Variants in TUSC3 observed in about 807,000 individuals in gnomAD.
The protein encoded by TUSC3 is dolichyl-diphosphooligosaccharide--protein glycosyltransferase subunit TUSC3.
Under a neutral mutation model 44.8 loss-of-function variants are expected in TUSC3, and 45 were observed. The observed-to-expected ratio is 1.00, with a 90% CI of 0.79 to 1.29. The LOEUF (loss-of-function observed/expected upper bound fraction) is 1.29, where lower values mean the gene tolerates loss of function less well. TUSC3 is among the 50% of genes most tolerant of loss of function. The pLI, the probability that TUSC3 is intolerant of heterozygous loss-of-function variation, is 0.00. For missense variants in TUSC3, 519 were observed against 437.9 expected (o/e 1.19, Z -1.65); for synonymous variants, 212 against 152.9 (o/e 1.39, Z -2.85).
At chr8:15,755,945 C>G (rs1005447592) in intron 9 of TUSC3, among the ~76,000 whole-genome samples, 1 of 152,090 alleles carries the variant, frequency 6.6e-6, no homozygotes, top group African/African-American at 2.4e-5. Context: ...ACAAAAGTTT[C>G]CTTTAGAAGA....
chr8:15,770,423 G>C (rs1410901247), downstream of TUSC3, among the ~76,000 whole-genome samples: 2 of 152,080 alleles, frequency 1.3e-5, no homozygotes, highest in African/African-American at 2.4e-5. Context: ...TCAGGGGCTG[G>C]GGAGAGATAG....
intron 5 of TUSC3, among the ~76,000 whole-genome samples, chr8:15,672,780 C>T (rs2129183168): frequency 6.6e-6 from 1 of 152,066 alleles, no homozygotes; most frequent in African/African-American, 2.4e-5. Context: ...CTTTTGTATC[C>T]TTGTTTTCTC....
At chr8:15,669,435 A>G (rs55720445) in intron 5 of TUSC3, among the ~76,000 whole-genome samples, 4,455 of 151,884 alleles carry the variant, frequency 0.029, 64 homozygotes, top group East Asian at 0.051. Flanking sequence ...GGGGACATTT[A>G]AAAATAGAAA....
chr8:15,758,461 A>T (rs1812026895), intron 10 of TUSC3, among the ~76,000 whole-genome samples: 1 of 151,950 alleles, frequency 6.6e-6, no homozygotes, highest in Non-Finnish European at 1.5e-5. Flanking sequence ...TTCACAATCC[A>T]GTTTTTTGAT....
chr8:15,798,313 C>T, the TUSC3 span, among the ~76,000 whole-genome samples: 13 of 152,174 alleles, frequency 8.5e-5, no homozygotes, highest in Admixed American at 2.6e-4. Context: ...TTTTCTTTCA[C>T]GGGTCTGCAT....
chr8:15,656,763 C>T (rs1367483642), intron 3 of TUSC3, among the ~76,000 whole-genome samples: 2 of 152,206 alleles, frequency 1.3e-5, no homozygotes, highest in Non-Finnish European at 2.9e-5. Flanking sequence ...TACAATGGCT[C>T]TGCCTCTGCA....
intron 10 of TUSC3, among the ~76,000 whole-genome samples, chr8:15,760,355 A>G (rs1340630714): frequency 1.3e-5 from 2 of 152,210 alleles, no homozygotes; most frequent in African/African-American, 4.8e-5. Flanking sequence ...CATCATGAGC[A>G]TATTCCTATG....
chr8:15,627,996 A>G (rs1805592477), intron 2 of TUSC3, among the ~76,000 whole-genome samples: 1 of 152,202 alleles, frequency 6.6e-6, no homozygotes, highest in Middle Eastern at 3.2e-3. Context: ...CGACACCCCA[A>G]GGATCCCGTA....
chr8:15,497,932 A>G (rs1382796679), intron 2 of TUSC3, among the ~76,000 whole-genome samples: 2 of 151,836 alleles, frequency 1.3e-5, no homozygotes, highest in African/African-American at 4.8e-5. Context: ...TATTTTTACT[A>G]GAGATGGGGT....
chr8:15,711,536 A>G (rs114000774), intron 6 of TUSC3, among the ~76,000 whole-genome samples: 1,505 of 150,100 alleles, frequency 0.01, 27 homozygotes, highest in African/African-American at 0.035. Flanking sequence ...ATATATGTAT[A>G]TATATTTGTT....
At chr8:15,760,923 C>T (rs1034817753) in intron 10 of TUSC3, among the ~76,000 whole-genome samples, 1 of 152,144 alleles carries the variant, frequency 6.6e-6, no homozygotes, top group Non-Finnish European at 1.5e-5. Flanking sequence ...TTTGCTTTTT[C>T]AGTTCTTGTA....
At chr8:15,800,247 T>C in the TUSC3 span, among the ~76,000 whole-genome samples, 126,925 of 152,166 alleles carry the variant, frequency 0.83, 52,960 homozygotes, top group African/African-American at 0.86. Context: ...TTTCTTCTGA[T>C]ACCACCACTT....
intron 2 of TUSC3, among the ~76,000 whole-genome samples, chr8:15,640,112 C>G (rs766427517): frequency 6.6e-6 from 1 of 152,124 alleles, no homozygotes; most frequent in African/African-American, 2.4e-5. Context: ...GAACTGTTTA[C>G]AAACAATGTG....
intron 1 of TUSC3, among the ~76,000 whole-genome samples, chr8:15,442,393 A>C (rs1452644290): frequency 6.6e-6 from 1 of 152,158 alleles, no homozygotes; most frequent in Non-Finnish European, 1.5e-5. Context: ...AGTAGAAAAA[A>C]GGTAAAGTTA....
At chr8:15,432,558 T>G (rs1799884963) in intron 1 of TUSC3, among the ~76,000 whole-genome samples, 1 of 152,194 alleles carries the variant, frequency 6.6e-6, no homozygotes, top group South Asian at 2.1e-4. Flanking sequence ...TCAAAATGTC[T>G]TATAATTTTT....
At chr8:15,433,653 G>C (rs1770538948) in intron 1 of TUSC3, among the ~76,000 whole-genome samples, 1 of 152,028 alleles carries the variant, frequency 6.6e-6, no homozygotes. Flanking sequence ...TGCCACTCTA[G>C]ATTAATTTGT....
intron 10 of TUSC3, among the ~76,000 whole-genome samples, chr8:15,760,622 G>A (rs2129224323): frequency 6.6e-6 from 1 of 152,238 alleles, no homozygotes; most frequent in East Asian, 1.9e-4. Flanking sequence ...TGAAAATTAT[G>A]AAATTCAGAT....
At chr8:15,614,459 C>T (rs1804901388) in intron 1 of TUSC3, among the ~76,000 whole-genome samples, 1 of 152,136 alleles carries the variant, frequency 6.6e-6, no homozygotes, top group South Asian at 2.1e-4. Flanking sequence ...CCTGTTCTTA[C>T]CTTGAGGCCC....
At chr8:15,517,150 T>C (rs923455191) in intron 2 of TUSC3, among the ~76,000 whole-genome samples, 1 of 152,166 alleles carries the variant, frequency 6.6e-6, no homozygotes, top group African/African-American at 2.4e-5. Context: ...TCTCTAGCAA[T>C]AGCTCAGTTG....
Sources: allele counts gnomAD v4.1 joint callset (sites outside exome capture counted in the v4.1 genomes callset), GRCh38; gene constraint gnomAD v4.1.1; transcripts MANE v1.5; gene names NCBI Gene and HGNC (gene_info 2026-07-23, HGNC 2026-07-21).